The following ERN1 variants were observed in gnomAD, a reference collection of about 807,000 sequenced individuals.
ERN1 encodes the protein endoplasmic reticulum to nucleus signaling 1, also known as serine/threonine-protein kinase/endoribonuclease IRE1.
ERN1 carries 39 observed loss-of-function variants against 113.1 expected under a neutral mutation model. That is an observed-to-expected ratio of 0.34 (90% confidence interval 0.27 to 0.45). The LOEUF (loss-of-function observed/expected upper bound fraction) is 0.45, where lower values mean the gene tolerates loss of function less well. ERN1 is among the 20% of genes least tolerant of loss of function. ERN1 has a pLI of 1.00. For missense variants in ERN1, 976 were observed against 1,274.8 expected (o/e 0.77, Z 3.57); for synonymous variants, 507 against 515.9 (o/e 0.98, Z 0.23).
In ERN1 at chr17:64,098,119, A is replaced by G; in HGVS notation, c.175+2T>C. On this transcript the variant is annotated splice_donor_variant, in intron 2 of 21. Transcript: ENST00000433197. LOFTEE classifies it high-confidence loss of function. ...GTCGCCCAAGGACCAAATCCAAATT[A>G]CCTTCTTTTAAAGTCCATTTGATTG... is the stretch of plus-strand genomic sequence containing the variant. The G allele has an allele frequency of 6.2e-7, 1 of 1,613,886 alleles. No individual in the cohort carries two copies. The highest frequency in any genetic ancestry group is 8.5e-7 in the Non-Finnish European group (1 of 1,179,826).
At chr17:64,050,249 A>G (rs953115321) in intron 17 of ERN1, among the ~76,000 whole-genome samples, 1 of 152,066 alleles carries the variant, frequency 6.6e-6, no homozygotes, top group African/African-American at 2.4e-5. Flanking sequence ...CATGGCCACC[A>G]CAGCTGGAGC....
At chr17:64,052,267 AAAT>A (rs1414657896) in intron 17 of ERN1, among the ~76,000 whole-genome samples, 4 of 152,352 alleles carry the variant, frequency 2.6e-5, no homozygotes, top group Admixed American at 6.5e-5. Flanking sequence ...AAAATTTTAA[AAAT>A]AATGAAAACT....
chr17:64,075,058 C>T (rs76251079), intron 5 of ERN1, 117 bp downstream of exon 5: 18,023 of 859,384 alleles, frequency 0.021, 282 homozygotes, highest in Middle Eastern at 0.046. Context: ...GAAGCACAAC[C>T]CAGGAAAGAA....
chr17:64,117,655 G>A (rs1914845583), intron 1 of ERN1, among the ~76,000 whole-genome samples: 1 of 152,108 alleles, frequency 6.6e-6, no homozygotes, highest in African/African-American at 2.4e-5. Context: ...GTGCTATTTG[G>A]AGTGCAGGAA....
At chr17:64,107,887 T>G (rs746560607) in intron 1 of ERN1, among the ~76,000 whole-genome samples, 3 of 152,262 alleles carry the variant, frequency 2.0e-5, no homozygotes, top group Admixed American at 1.3e-4. Context: ...ATACTTCGTT[T>G]ACCTGTGTGT....
chr17:64,054,970 G>C lies in ERN1; in HGVS notation c.1673-142C>G, dbSNP rs4968607. 7.6e-6 allele frequency: 5 copies of C among 655,078 alleles called. No homozygotes were observed. Among genetic ancestry groups the C allele is most frequent in the Non-Finnish European group, 1.3e-5 (5 of 381,178 alleles). 40.6% of individuals were successfully genotyped at this position (655,078 alleles called of 1,614,324 possible). A position where few individuals can be genotyped will look rare whatever the true frequency, so the allele number is the denominator to read the frequency against. On this transcript the variant is annotated intron_variant, in intron 13 of 21. Coordinates refer to ENST00000433197, the MANE Select transcript of ERN1 (RefSeq NM_001433.5). The surrounding 1 kb of genome is among the most constrained non-coding windows in gnomAD (Gnocchi z 4.9). Reference sequence around the variant, plus strand: ...TGCACCCCAGACTGCTGCTCAGCAAGAGCCTGCCAGGCCCACTCCCCATGT... The same window carrying C: ...TGCACCCCAGACTGCTGCTCAGCAACAGCCTGCCAGGCCCACTCCCCATGT...
chr17:64,055,370 C>T (rs1261208327), intron 13 of ERN1, among the ~76,000 whole-genome samples: 1 of 152,208 alleles, frequency 6.6e-6, no homozygotes, highest in African/African-American at 2.4e-5. Flanking sequence ...CCACACTTGG[C>T]CACCGGCTGG....
intron 17 of ERN1, among the ~76,000 whole-genome samples, chr17:64,050,627 G>C (rs1187724295): frequency 6.6e-6 from 1 of 152,110 alleles, no homozygotes; most frequent in African/African-American, 2.4e-5. Flanking sequence ...TGTTTGAAGT[G>C]TCCAAGCCTC....
At chr17:64,064,286 G>T in intron 9 of ERN1, 135 bp from the exon 10 acceptor site, 3 of 972,056 alleles carry the variant, frequency 3.1e-6, no homozygotes, top group Non-Finnish European at 4.4e-6. Flanking sequence ...AGACACAAAG[G>T]CCCAAAGTCT....
At chr17:64,096,125 G>C (rs1360235351) in intron 2 of ERN1, among the ~76,000 whole-genome samples, 2 of 152,210 alleles carry the variant, frequency 1.3e-5, no homozygotes, top group East Asian at 3.8e-4. Context: ...GACCCATACT[G>C]GTCTGTGGAT....
chr17:64,119,186 A>C (rs1397589850), intron 1 of ERN1, among the ~76,000 whole-genome samples: 1 of 152,102 alleles, frequency 6.6e-6, no homozygotes, highest in Admixed American at 6.5e-5. Context: ...GTAACTTTAA[A>C]TAAACATTTA....
intron 2 of ERN1, among the ~76,000 whole-genome samples, chr17:64,096,499 T>C (rs1914233878): frequency 6.6e-6 from 1 of 152,190 alleles, no homozygotes; most frequent in Non-Finnish European, 1.5e-5. Context: ...GTAGTAATAA[T>C]TATAGAAATA....
Position 64,098,071 on chromosome 17 carries a change from G to A in ERN1, c.175+50C>T, listed in dbSNP as rs1233169213. On this transcript the variant is annotated intron_variant, in intron 2 of 21. Transcript: ENST00000433197. ...TCTTTCTCCAGAATATGTTTCTGTG[G>A]AACCAGTTAAGCAAATGTCCATGTC... is the stretch of plus-strand genomic sequence containing the variant. 1.9e-6 allele frequency: 3 copies of A among 1,604,420 alleles called. No homozygotes were observed. In the Admixed American group the frequency reaches 5.0e-5, roughly 27 times the overall value.
intron 6 of ERN1, among the ~76,000 whole-genome samples, chr17:64,068,917 G>C (rs185288247): frequency 6.6e-6 from 1 of 152,280 alleles, no homozygotes; most frequent in Non-Finnish European, 1.5e-5. Context: ...ATGTTGAATG[G>C]TTTCTCTTAG....
At chr17:64,059,118 T>G (rs1442253932) in intron 11 of ERN1, among the ~76,000 whole-genome samples, 1 of 152,244 alleles carries the variant, frequency 6.6e-6, no homozygotes, top group Non-Finnish European at 1.5e-5. Flanking sequence ...GTTTATTTTC[T>G]AAGTGTTCAA....
At chr17:64,074,434 T>G (rs1402641287) in intron 5 of ERN1, among the ~76,000 whole-genome samples, 1 of 151,986 alleles carries the variant, frequency 6.6e-6, no homozygotes, top group Non-Finnish European at 1.5e-5. Flanking sequence ...TGGGAGTTCC[T>G]CATTCTGAAG....
chr17:64,067,482 C>T (rs1224993720), intron 7 of ERN1, among the ~76,000 whole-genome samples: 4 of 151,106 alleles, frequency 2.6e-5, no homozygotes, highest in Non-Finnish European at 5.9e-5. Context: ...GCGGTACGTG[C>T]CTGTGGTCCC....
Position 64,066,882 on chromosome 17 carries a change from T to C in ERN1, c.631A>G (p.Ser211Gly). The C allele has an allele frequency of 6.2e-7, 1 of 1,613,888 alleles. No homozygotes were observed. Among genetic ancestry groups the C allele is most frequent in the Non-Finnish European group, 8.5e-7 (1 of 1,179,852 alleles). ...ATCCACAGGACGTCCCCAGATTCACTGTCCACAGTCACCACCAGCCCATCA... is the reference window on the plus strand; with the variant it reads ...ATCCACAGGACGTCCCCAGATTCACCGTCCACAGTCACCACCAGCCCATCA... The part of the protein sequence containing the change: ...NGDGLVVTVD[S>G]ESGDVLWIQN... Residue 211 changes from serine to glycine, a missense_variant, in exon 8 of 22, where the codon AGT (serine) becomes GGT (glycine). Physicochemically the swap from Ser to Gly is moderately conservative, Grantham distance 56. Around this residue, in one of 5 missense-constraint regions of ERN1, gnomAD observed 459 missense variants for 581.2 expected, o/e 0.79. Coordinates refer to ENST00000433197, the MANE Select transcript of ERN1 (RefSeq NM_001433.5).
chr17:64,090,504 C>T (rs570445566), intron 2 of ERN1, among the ~76,000 whole-genome samples: 1 of 152,306 alleles, frequency 6.6e-6, no homozygotes, highest in African/African-American at 2.4e-5. Flanking sequence ...GTCATAACTT[C>T]ACAGAATTCA....
Sources: gnomAD v4.1 joint callset for allele counts (sites outside exome capture counted in the v4.1 genomes callset) on GRCh38, gnomAD v4.1.1 for gene constraint, gnomAD v4.1.1 regional missense constraint, Gnocchi (gnomAD v3.1) non-coding constraint, MANE v1.5 for transcripts, NCBI Gene and HGNC (gene_info 2026-07-23, HGNC 2026-07-21) for gene names.